UPF1: variants seen among roughly 807,000 people sequenced by gnomAD.
UPF1 encodes the protein regulator of nonsense transcripts 1.
UPF1 carries 9 observed loss-of-function variants against 129.2 expected under a neutral mutation model. The observed-to-expected ratio is 0.07, with a 90% CI of 0.04 to 0.12. The LOEUF is 0.12. Among genes scored for constraint, UPF1 ranks in the 10% least tolerant of loss-of-function variants. UPF1 has a pLI of 1.00. For missense variants in UPF1, 788 were observed against 1,525.3 expected, an observed-to-expected ratio of 0.52 and a Z score of 8.05; for synonymous variants, 649 against 644.9, an observed-to-expected ratio of 1.01 and a Z score of -0.10.
At chr19:18,864,281 C>A (rs1320659161) in intron 20 of UPF1, 30 bp downstream of exon 20, 1 of 1,584,968 alleles carries the variant, frequency 6.3e-7, no homozygotes, top group Admixed American at 1.7e-5. Flanking sequence ...ACCTGGCCGA[C>A]CCCTTGTCCT....
Position 18,846,185 on chromosome 19 carries a change from GAC to G in UPF1, c.371+69_371+70del, listed in dbSNP as rs903906401. The stretch of plus-strand genomic sequence containing the variant: ...GTGGGTGCCTCTGGCATGGGCCTGG[GAC>G]ACTCACCTCCCAGGTACAGGGTGGC... On this transcript the variant is annotated intron_variant, in intron 2 of 23. Coordinates refer to ENST00000262803, the MANE Select transcript of UPF1 (RefSeq NM_002911.4). The G allele has an allele frequency of 5.0e-6, 8 of 1,596,570 alleles. No homozygotes were observed. The African/African-American group carries it at 9.4e-5, about 19-fold the overall frequency.
intron 15 of UPF1, among the ~76,000 whole-genome samples, chr19:18,858,657 C>G (rs1053692648): frequency 2.6e-5 from 4 of 152,060 alleles, no homozygotes; most frequent in Non-Finnish European, 5.9e-5. Flanking sequence ...TTCCCCACAG[C>G]GTCCCCAGAG....
chr19:18,839,007 C>G (rs2055512607), intron 1 of UPF1, among the ~76,000 whole-genome samples: 1 of 152,188 alleles, frequency 6.6e-6, no homozygotes, highest in African/African-American at 2.4e-5. Flanking sequence ...CTCAGCCTAG[C>G]TACCACCACC....
chr19:18,838,482 C>T (rs2055506401), intron 1 of UPF1, among the ~76,000 whole-genome samples: 1 of 152,100 alleles, frequency 6.6e-6, no homozygotes, highest in East Asian at 1.9e-4. Context: ...AATCCTGTCT[C>T]TACTAAAAAT....
intron 17 of UPF1, 48 bp from the exon 18 acceptor site, chr19:18,861,962 T>A: frequency 6.2e-7 from 1 of 1,604,642 alleles, no homozygotes; most frequent in Non-Finnish European, 8.5e-7. Flanking sequence ...TTGGGGGGAC[T>A]GGGAAGGCAG....
At chr19:18,852,392 G>T (rs2055669291) in intron 6 of UPF1, 96 bp downstream of exon 6, 2 of 1,542,812 alleles carry the variant, frequency 1.3e-6, no homozygotes, top group South Asian at 2.4e-5. Flanking sequence ...CAGGCTGTGG[G>T]AGCTGATGTG....
At chr19:18,837,261 T>C (rs1054723256) in intron 1 of UPF1, among the ~76,000 whole-genome samples, 3 of 152,134 alleles carry the variant, frequency 2.0e-5, no homozygotes, top group African/African-American at 7.2e-5. Flanking sequence ...GGCTGATTTT[T>C]CTTTTTTTGT....
intron 1 of UPF1, among the ~76,000 whole-genome samples, chr19:18,835,980 G>A (rs896789319): frequency 1.3e-4 from 20 of 152,184 alleles, no homozygotes; most frequent in African/African-American, 4.6e-4. Flanking sequence ...TGTCCCCACC[G>A]GGATGGGAAA....
intron 18 of UPF1, among the ~76,000 whole-genome samples, chr19:18,862,508 G>A (rs754862293): frequency 3.0e-4 from 46 of 151,944 alleles, no homozygotes; most frequent in Admixed American, 3.9e-4. Flanking sequence ...AAGGGACCCC[G>A]AGAACAAGGT....
chr19:18,837,737 T>A (rs1351188890), intron 1 of UPF1, among the ~76,000 whole-genome samples: 2 of 152,206 alleles, frequency 1.3e-5, no homozygotes, highest in African/African-American at 4.8e-5. Context: ...CTTTGTTCCT[T>A]CATCCTCAGG....
Position 18,866,780 on chromosome 19 carries a change from C to T in UPF1, c.*263C>T, listed in dbSNP as rs2055850662. On this transcript the variant is annotated 3_prime_UTR_variant, in exon 24 of 24. Transcript: ENST00000262803. ...GCCACCAGGAGGCCCCGCTCCGTCC[C>T]ATCGGGGCTGCGGCCAGGGCGGAGG... The T allele has an allele frequency of 6.6e-6, 1 of 152,574 alleles. No individual in the cohort carries two copies. The allele number at this position is 152,574 out of a possible 1,614,324, so 9.5% of individuals were successfully genotyped here. A position where few individuals can be genotyped will look rare whatever the true frequency, so the allele number is the denominator to read the frequency against.
At chr19:18,843,285 C>T (rs767406962) in intron 1 of UPF1, among the ~76,000 whole-genome samples, 5 of 152,174 alleles carry the variant, frequency 3.3e-5, no homozygotes, top group Non-Finnish European at 5.9e-5. Context: ...CAATGCCCCA[C>T]GGGGGCCTTG....
At position 18,853,159 on chromosome 19, in the gene UPF1, C is replaced by T. The variant is rs536345590; in HGVS notation, c.1057+88C>T. On this transcript the variant is annotated intron_variant, in intron 7 of 23. Transcript: ENST00000262803. The surrounding 1 kb of genome is among the most constrained non-coding windows in gnomAD (Gnocchi z 4.4). ...CATAAGTAGCATAAATTCCTAGTTC[C>T]ACCCTTGTAAAGTGCCCCTTAATTT... 1.2e-5 allele frequency: 19 copies of T among 1,601,480 alleles called. No homozygotes were observed. The highest frequency in any genetic ancestry group is 1.7e-4 in the Middle Eastern group (1 of 6,014).
At chr19:18,834,378 G>A (rs902599324) in intron 1 of UPF1, among the ~76,000 whole-genome samples, 3 of 152,206 alleles carry the variant, frequency 2.0e-5, no homozygotes, top group Non-Finnish European at 2.9e-5. Flanking sequence ...GCAGCCTTTA[G>A]TTCTGCTTTT....
Position 18,865,526 on chromosome 19 carries a change from C to T in UPF1, c.3020-35C>T, listed in dbSNP as rs1601133722. 6.2e-7 allele frequency: 1 copy of T among 1,613,236 alleles called. No homozygotes were observed. Among genetic ancestry groups the T allele is most frequent in the Non-Finnish European group, 8.5e-7 (1 of 1,179,548 alleles). The stretch of plus-strand genomic sequence containing the variant: ...GGTGTGCTTGTCTGCGAGGCCCTGG[C>T]CTCCTTCGGATCACCCTGGACTGCT... On this transcript the variant is annotated intron_variant, in intron 21 of 23. Transcript: ENST00000262803. This position sits in a 1 kb window ranked among gnomAD's most constrained non-coding sequence, Gnocchi z 6.1.
intron 1 of UPF1, among the ~76,000 whole-genome samples, chr19:18,834,204 CTG>C (rs1378888201): frequency 2.0e-5 from 3 of 152,154 alleles, no homozygotes; most frequent in Non-Finnish European, 4.4e-5. Flanking sequence ...TATACGCTGT[CTG>C]TAATCTGACG....
Position 18,862,036 on chromosome 19 carries a change from C to T in UPF1, c.2484C>T (p.Ala828=). 6.2e-7 allele frequency: 1 copy of T among 1,613,144 alleles called. No individual in the cohort carries two copies. Among genetic ancestry groups the T allele is most frequent in the Non-Finnish European group, 8.5e-7 (1 of 1,179,764 alleles). Residue 828 remains alanine (A), a synonymous_variant, in exon 18 of 24, where the codon GCC becomes GCT. Coordinates refer to ENST00000262803, the MANE Select transcript of UPF1 (RefSeq NM_002911.4). ...AGGTGGAGATCGCCAGTGTGGACGC[C>T]TTTCAGGGACGCGAGAAGGACTTCA... ...YQEVEIASVD[A]FQGREKDFII...
intron 1 of UPF1, among the ~76,000 whole-genome samples, chr19:18,838,012 T>G (rs990105823): frequency 6.6e-6 from 1 of 152,210 alleles, no homozygotes; most frequent in African/African-American, 2.4e-5. Flanking sequence ...CCTTTTGAAG[T>G]GGTAAAATAC....
rs547125138 is a variant in UPF1 at position 18,853,547 on chromosome 19, G to A, written c.1156+197G>A. The stretch of plus-strand genomic sequence containing the variant: ...CCTTCAGGGGACAGCTGGTTGTATG[G>A]TTGCTTCCCCTCTGCCCGAATGGTG... On this transcript the variant is annotated intron_variant, in intron 8 of 23. Transcript: ENST00000262803. This position sits in a 1 kb window ranked among gnomAD's most constrained non-coding sequence, Gnocchi z 4.4. 6.6e-6 allele frequency among the ~76,000 whole-genome samples: 1 copy of A among 152,340 alleles called. No individual in the cohort carries two copies. Among genetic ancestry groups the A allele is most frequent in the Non-Finnish European group, 1.5e-5 (1 of 68,030 alleles).
Sources: allele counts gnomAD v4.1 joint callset (sites outside exome capture counted in the v4.1 genomes callset), GRCh38; gene constraint gnomAD v4.1.1; non-coding constraint Gnocchi (gnomAD v3.1); transcripts MANE v1.5; gene names NCBI Gene and HGNC (gene_info 2026-07-23, HGNC 2026-07-21).